COLEC12: variants seen among roughly 807,000 people sequenced by gnomAD.
The protein encoded by COLEC12 is collectin-12.
In COLEC12, 33 loss-of-function variants were observed where a neutral mutation model predicts 71.1. The observed-to-expected ratio is 0.46, with a 90% CI of 0.35 to 0.62. The LOEUF is 0.62. Ranked by LOEUF, COLEC12 falls within the 20% of genes least tolerant of loss-of-function variation. The probability of loss-of-function intolerance (pLI) is 0.00; values close to 1 mark genes in which losing one functional copy is unlikely to be tolerated. For synonymous variants in COLEC12, 350 were observed against 353.0 expected (o/e 0.99, Z 0.10); for missense variants, 765 against 916.1 (o/e 0.84, Z 2.13).
intron 3 of COLEC12, among the ~76,000 whole-genome samples, chr18:353,245 GATA>G (rs1334578119): frequency 6.6e-6 from 1 of 152,078 alleles, no homozygotes; most frequent in East Asian, 1.9e-4. Flanking sequence ...TTATTTGAAT[GATA>G]ATAATAATAG....
chr18:351,734 ATTTTTGTATTT>A (rs1331852391), intron 3 of COLEC12, among the ~76,000 whole-genome samples: 3 of 152,066 alleles, frequency 2.0e-5, no homozygotes, highest in African/African-American at 7.2e-5. Context: ...CGCCCGGCTA[ATTTTTGTATTT>A]TTATTATACT....
Position 327,147 on chromosome 18 carries a change from T to C in COLEC12, c.2063+4521A>G, listed in dbSNP as rs1370066541. Among the ~76,000 whole-genome samples the C allele has an allele frequency of 2.6e-5, 4 of 152,216 alleles. No homozygotes were observed. The highest frequency in any genetic ancestry group is 5.9e-5 in the Non-Finnish European group (4 of 68,028). ...TGGGTGTTGGCCAAGAATGAAGTTT[T>C]CACAGGACCTGGTGAAATGAGAAGA... On this transcript the variant is annotated intron_variant, in intron 8 of 9. Transcript: ENST00000400256. This position sits in a 1 kb window ranked among gnomAD's most constrained non-coding sequence, Gnocchi z 4.0.
intron 2 of COLEC12, among the ~76,000 whole-genome samples, chr18:474,433 C>CT (rs965537935): frequency 1.3e-5 from 2 of 152,074 alleles, no homozygotes; most frequent in Non-Finnish European, 2.9e-5. Flanking sequence ...GGTGTTGAAT[C>CT]TTTTTTTTAC....
intron 2 of COLEC12, chr18:423,988 G>C (rs1042575209): frequency 1.3e-5 from 2 of 152,066 alleles, no homozygotes; most frequent in East Asian, 1.9e-4. Flanking sequence ...CTTCCAAATG[G>C]GAGGGAAAAG....
Position 408,372 on chromosome 18 carries a change from C to T in COLEC12, c.59-50850G>A, listed in dbSNP as rs1252462278. On this transcript the variant is annotated intron_variant, in intron 2 of 9. Coordinates refer to ENST00000400256, the MANE Select transcript of COLEC12 (RefSeq NM_130386.3). The surrounding 1 kb of genome is among the most constrained non-coding windows in gnomAD (Gnocchi z 4.3). ...CTTAAATTTAAGAATCAGAAACATT[C>T]TCATCATAAATGTAATCCCATCTGT... 2.0e-5 allele frequency among the ~76,000 whole-genome samples: 3 copies of T among 152,142 alleles called. No homozygotes were observed. Among genetic ancestry groups the T allele is most frequent in the Admixed American group, 6.5e-5 (1 of 15,274 alleles).
chr18:410,468 C>T (rs113238216), intron 2 of COLEC12, among the ~76,000 whole-genome samples: 23 of 151,448 alleles, frequency 1.5e-4, no homozygotes, highest in Admixed American at 3.9e-4. Context: ...AGACGGAGTC[C>T]GCTCTTGTTG....
In COLEC12 at chr18:362,472, T is replaced by C. The variant is rs1914767561; in HGVS notation, c.59-4950A>G. Among the ~76,000 whole-genome samples, 1 of 152,100 alleles carries C rather than the reference T, an allele frequency of 6.6e-6. No homozygotes were observed. The highest frequency in any genetic ancestry group is 1.5e-5 in the Non-Finnish European group (1 of 68,016). On this transcript the variant is annotated intron_variant, in intron 2 of 9. Transcript: ENST00000400256. The surrounding 1 kb of genome is among the most constrained non-coding windows in gnomAD (Gnocchi z 4.6). ...TGGGGCACCCCCTCCTCCTTGAACCTAGATGGTTACAAAATAACATTCAAG... is the reference window on the plus strand; with the variant it reads ...TGGGGCACCCCCTCCTCCTTGAACCCAGATGGTTACAAAATAACATTCAAG...
chr18:387,332 G>A (rs942801404), intron 2 of COLEC12, among the ~76,000 whole-genome samples: 5 of 152,258 alleles, frequency 3.3e-5, no homozygotes, highest in Non-Finnish European at 5.9e-5. Flanking sequence ...GAGCAGAAGC[G>A]CTTTAGAGAA....
chr18:435,631 A>C (rs1278803303), intron 2 of COLEC12, among the ~76,000 whole-genome samples: 5 of 152,120 alleles, frequency 3.3e-5, no homozygotes, highest in Non-Finnish European at 5.9e-5. Flanking sequence ...GCTAATACAC[A>C]TTTGAAGTCT....
intron 2 of COLEC12, among the ~76,000 whole-genome samples, chr18:405,875 C>T (rs1174811945): frequency 6.6e-6 from 1 of 152,050 alleles, no homozygotes; most frequent in Admixed American, 6.5e-5. Flanking sequence ...GCAATTCCCT[C>T]TTGAAAAGGG....
At chr18:333,242 G>A (rs1267494944) in intron 6 of COLEC12, 99 bp from the exon 7 acceptor site, 1 of 1,024,750 alleles carries the variant, frequency 9.8e-7, no homozygotes, top group East Asian at 2.4e-5. Context: ...GGTCCCGCTG[G>A]GAGCAGCCTG....
chr18:437,406 C>T (rs1197662386), intron 2 of COLEC12, among the ~76,000 whole-genome samples: 1 of 152,168 alleles, frequency 6.6e-6, no homozygotes, highest in Non-Finnish European at 1.5e-5. Flanking sequence ...CACCTGCCCA[C>T]TGTGACCTGT....
chr18:340,074 C>CAAAAAAAAAAAA (rs60991743), intron 5 of COLEC12, among the ~76,000 whole-genome samples: 13 of 94,220 alleles, frequency 1.4e-4, no homozygotes, highest in Non-Finnish European at 1.8e-4. Flanking sequence ...TGCCTGAAAG[C>CAAAAAAAAAAAA]AAAAAAAAAA....
intron 2 of COLEC12, among the ~76,000 whole-genome samples, chr18:428,120 C>T (rs904774867): frequency 2.1e-4 from 32 of 151,974 alleles, no homozygotes; most frequent in Middle Eastern, 3.2e-3. Flanking sequence ...TAAAATTAGC[C>T]GGGCATGGTG....
At chr18:332,950 A>C in intron 7 of COLEC12, 57 bp downstream of exon 7, 1 of 1,442,038 alleles carries the variant, frequency 6.9e-7, no homozygotes. Flanking sequence ...TGCAATTTCC[A>C]GATGTAAACT....
At chr18:430,417 T>G (rs1916281372) in intron 2 of COLEC12, among the ~76,000 whole-genome samples, 1 of 152,206 alleles carries the variant, frequency 6.6e-6, no homozygotes, top group African/African-American at 2.4e-5. Context: ...GCATATTAAT[T>G]ACCTCTATTT....
At chr18:492,649 G>A (rs982780210) in intron 1 of COLEC12, among the ~76,000 whole-genome samples, 10 of 151,960 alleles carry the variant, frequency 6.6e-5, no homozygotes, top group African/African-American at 2.4e-4. Context: ...TCAAATACAT[G>A]GGTGATTTGG....
intron 2 of COLEC12, among the ~76,000 whole-genome samples, chr18:366,099 G>A (rs1164886405): frequency 6.6e-6 from 1 of 152,206 alleles, no homozygotes; most frequent in Non-Finnish European, 1.5e-5. Context: ...TTATACTGGT[G>A]AACACAACAG....
chr18:438,965 G>A (rs912445589), intron 2 of COLEC12, among the ~76,000 whole-genome samples: 1 of 152,122 alleles, frequency 6.6e-6, no homozygotes, highest in African/African-American at 2.4e-5. Context: ...AATAAATAAA[G>A]GAAGCAGAAA....
Sources: allele counts gnomAD v4.1 joint callset (sites outside exome capture counted in the v4.1 genomes callset), GRCh38; gene constraint gnomAD v4.1.1; non-coding constraint Gnocchi (gnomAD v3.1); transcripts MANE v1.5; gene names NCBI Gene and HGNC (gene_info 2026-07-23, HGNC 2026-07-21).